Variants in CLEC12A observed in about 807,000 individuals in gnomAD.
CLEC12A encodes C-type lectin protein CLL-1.
In CLEC12A, 22 loss-of-function variants were observed where a neutral mutation model predicts 26.5. The observed-to-expected ratio is 0.83, with a 90% CI of 0.59 to 1.19. The LOEUF is 1.19. Ranked by LOEUF, CLEC12A falls within the 50% of genes most tolerant of loss-of-function variation. CLEC12A has a pLI of 0.00. For missense variants in CLEC12A, 353 were observed against 315.6 expected, an observed-to-expected ratio of 1.12 and a Z score of -0.90; for synonymous variants, 119 against 101.9, an observed-to-expected ratio of 1.17 and a Z score of -1.01.
upstream of CLEC12A, among the ~76,000 whole-genome samples, chr12:9,968,301 C>G (rs1247660448): frequency 6.6e-6 from 1 of 152,186 alleles, no homozygotes; most frequent in African/African-American, 2.4e-5. Context: ...GACCACAAAA[C>G]AGGCTTTGTG....
chr12:9,974,109 T>C (rs1361724045), intron 1 of CLEC12A, among the ~76,000 whole-genome samples: 1 of 152,208 alleles, frequency 6.6e-6, no homozygotes, highest in Admixed American at 6.5e-5. Flanking sequence ...TTTAGGTCAC[T>C]GATGTCCTGC....
chr12:9,991,378 TTA>T (rs1359798232), intron 4 of CLEC12A: 3 of 152,316 alleles, frequency 2.0e-5, no homozygotes, highest in Admixed American at 2.0e-4. Flanking sequence ...CACTAAGATA[TTA>T]TTCTTCTAAG....
At chr12:9,971,044 C>T (rs748668529), upstream of CLEC12A, among the ~76,000 whole-genome samples, 5 of 152,150 alleles carry the variant, frequency 3.3e-5, no homozygotes, top group East Asian at 7.7e-4. Context: ...TGGGAGTGCT[C>T]TCTGTATGTT....
chr12:9,982,819 G>A (rs1343879103), intron 5 of CLEC12A, among the ~76,000 whole-genome samples: 2 of 151,980 alleles, frequency 1.3e-5, no homozygotes, highest in African/African-American at 4.8e-5. Flanking sequence ...AGTCTCCAAT[G>A]TCTATTATTC....
intron 5 of CLEC12A, among the ~76,000 whole-genome samples, chr12:9,982,808 G>A (rs756745271): frequency 5.9e-5 from 9 of 151,914 alleles, no homozygotes; most frequent in Non-Finnish European, 8.8e-5. Flanking sequence ...CTACTTTTTG[G>A]AGTCTCCAAT....
the CLEC12A span, among the ~76,000 whole-genome samples, chr12:10,001,638 T>C: frequency 2.6e-5 from 4 of 152,214 alleles, no homozygotes; most frequent in African/African-American, 9.6e-5. Flanking sequence ...CCCCACATTC[T>C]ATAAATGTAA....
chr12:9,951,275 G>T (rs555210485), upstream of CLEC12A: 1 of 702,108 alleles, frequency 1.4e-6, no homozygotes, highest in African/African-American at 1.7e-5. Flanking sequence ...TTTCTATTTA[G>T]CATTGCTGCT....
chr12:9,996,260 T>C (rs1035274183), downstream of CLEC12A, among the ~76,000 whole-genome samples: 1 of 152,198 alleles, frequency 6.6e-6, no homozygotes, highest in African/African-American at 2.4e-5. Context: ...CAATAGGAAC[T>C]GACAGATAAA....
rs1468926656 is a variant in CLEC12A at position 9,965,835 on chromosome 12, A to AG, written c.11-5740dup. On this transcript the variant is annotated intron_variant, in intron 1 of 6. Transcript: ENST00000355690. ...TAGGATATTGGCATTGAGCGGGGTA[A>AG]GGTGATTAGGTTTTAATGGGATGGT... Among the ~76,000 whole-genome samples, 5 of 152,152 alleles carry AG rather than the reference A, an allele frequency of 3.3e-5. No individual in the cohort carries two copies. The East Asian group carries it at 5.8e-4, about 18-fold the overall frequency.
chr12:10,002,445 T>TGTGACCAGAAATA, the CLEC12A span, among the ~76,000 whole-genome samples: 10 of 38,076 alleles, frequency 2.6e-4, no homozygotes, highest in Admixed American at 9.7e-4. Context: ...GTAATGTTTT[T>TGTGACCAGAAATA]TTTTTTTTTT....
In CLEC12A at chr12:9,965,923, G is replaced by T. The variant is rs546884749; in HGVS notation, c.11-5654G>T. Among the ~76,000 whole-genome samples the T allele has an allele frequency of 3.9e-5, 6 of 152,218 alleles. No homozygotes were observed. In the South Asian group the frequency reaches 8.3e-4, roughly 21 times the overall value. On this transcript the variant is annotated intron_variant, in intron 1 of 6. Transcript: ENST00000355690. ...GTGTCCTATACTTGTGGGTTAAGGT[G>T]GGGAGATACAAGGGGAGGATGTGAA...
At chr12:9,951,595 G>C in intron 1 of CLEC12A, 1 of 522,088 alleles carries the variant, frequency 1.9e-6, no homozygotes, top group Non-Finnish European at 3.5e-6. Context: ...AAATTCCGAA[G>C]GAATCTCCAT....
At chr12:9,975,959 G>A (rs1388342972) in intron 1 of CLEC12A, among the ~76,000 whole-genome samples, 1 of 152,186 alleles carries the variant, frequency 6.6e-6, no homozygotes, top group African/African-American at 2.4e-5. Flanking sequence ...CCCAAGCCTT[G>A]GTAGCTTCCA....
At chr12:10,001,332 T>G in the CLEC12A span, among the ~76,000 whole-genome samples, 1 of 152,226 alleles carries the variant, frequency 6.6e-6, no homozygotes, top group Non-Finnish European at 1.5e-5. Context: ...ATGCCTGAAG[T>G]AGGTTAACAC....
Position 9,979,461 on chromosome 12 carries a change from C to A in CLEC12A, c.316C>A (p.Leu106Ile). 6.2e-7 allele frequency: 1 copy of A among 1,613,384 alleles called. No individual in the cohort carries two copies. The highest frequency in any genetic ancestry group is 8.5e-7 in the Non-Finnish European group (1 of 1,179,654). Residue 106 changes from leucine (L) to isoleucine (I), a missense_variant, in exon 3 of 6, where the codon CTC becomes ATC. Physicochemically the swap from Leu to Ile is conservative, Grantham distance 5 (BLOSUM62 2). Transcript: ENST00000304361. ...GAATATCTCCAACAAGATCAGGAAC[C>A]TCTCCACCACACTGCAAACAATAGC... Reference protein sequence around the residue: ...NMNISNKIRNLSTTLQTIATK... With the variant: ...NMNISNKIRNISTTLQTIATK...
chr12:9,993,440 TC>T, intron 4 of CLEC12A: 1 of 685,964 alleles, frequency 1.5e-6, no homozygotes, highest in Non-Finnish European at 2.5e-6. Context: ...TTGAGAAAGT[TC>T]CACCCTGCTT....
intron 1 of CLEC12A, among the ~76,000 whole-genome samples, chr12:9,960,903 C>T (rs2137104607): frequency 6.6e-6 from 1 of 152,246 alleles, no homozygotes; most frequent in South Asian, 2.1e-4. Context: ...TTCTATTTTT[C>T]CCCTGTCCAC....
At chr12:10,003,452 G>A in the CLEC12A span, among the ~76,000 whole-genome samples, 1,645 of 152,228 alleles carry the variant, frequency 0.011, 36 homozygotes, top group South Asian at 0.046. Flanking sequence ...ACATATGTAA[G>A]TAAAATGTTA....
chr12:9,983,299 G>C (rs1396508457), intron 5 of CLEC12A, among the ~76,000 whole-genome samples: 1 of 152,104 alleles, frequency 6.6e-6, no homozygotes, highest in Non-Finnish European at 1.5e-5. Context: ...GACTGGTTTA[G>C]AAGAGCACTT....
Sources: gnomAD v4.1 joint callset for allele counts (sites outside exome capture counted in the v4.1 genomes callset) on GRCh38, gnomAD v4.1.1 for gene constraint, MANE v1.5 for transcripts, NCBI Gene and HGNC (gene_info 2026-07-23, HGNC 2026-07-21) for gene names.